Variants in SLC11A2 observed in about 807,000 individuals in gnomAD.
The protein encoded by SLC11A2 is solute carrier family 11 member 2, also known as natural resistance-associated macrophage protein 2.
Under a neutral mutation model 68.0 loss-of-function variants are expected in SLC11A2, and 38 were observed. That is an observed-to-expected ratio of 0.56 (90% confidence interval 0.43 to 0.73). The LOEUF (loss-of-function observed/expected upper bound fraction) is 0.73. Ranked by LOEUF, SLC11A2 falls within the 30% of genes least tolerant of loss-of-function variation. The pLI is 0.00. For missense variants in SLC11A2, 517 were observed against 690.5 expected (o/e 0.75, Z 2.82); for synonymous variants, 242 against 250.6 (o/e 0.97, Z 0.32).
At chr12:50,985,176 G>A (rs543536436), downstream of SLC11A2, among the ~76,000 whole-genome samples, 6 of 152,284 alleles carry the variant, frequency 3.9e-5, no homozygotes, top group East Asian at 1.2e-3. Context: ...GAAGCTGACA[G>A]ATTTAGATTC....
the SLC11A2 span, among the ~76,000 whole-genome samples, chr12:50,963,369 C>CAAAAAAAAA: frequency 5.4e-4 from 39 of 72,398 alleles, no homozygotes; most frequent in African/African-American, 8.1e-4. Context: ...GACTCCATCT[C>CAAAAAAAAA]AAAAAAAAAA....
In SLC11A2 at chr12:50,987,040, G is replaced by C; in HGVS notation, c.*1285C>G. The C allele has an allele frequency of 2.3e-6, 3 of 1,286,452 alleles. No individual in the cohort carries two copies. Among genetic ancestry groups the C allele is most frequent in the Non-Finnish European group, 3.0e-6 (3 of 988,382 alleles). The allele number at this position is 1,286,452 out of a possible 1,614,324, so 79.7% of individuals were successfully genotyped here. ...TATCTCCATCAAAGTGATTTGATTT[G>C]AGATAATCACACAATCTCAGGCTCG... On this transcript the variant is annotated 3_prime_UTR_variant, in exon 16 of 16. Coordinates refer to ENST00000262052, the MANE Select transcript of SLC11A2 (RefSeq NM_000617.3).
chr12:51,025,957 C>T (rs1944355229), intron 1 of SLC11A2: 2 of 1,002,330 alleles, frequency 2.0e-6, no homozygotes, highest in Non-Finnish European at 2.4e-6. Context: ...TCTTTCGAGG[C>T]GTCGAAGCAG....
intron 12 of SLC11A2, 73 bp downstream of exon 12, chr12:50,992,737 A>C: frequency 7.0e-7 from 1 of 1,434,106 alleles, no homozygotes; most frequent in Middle Eastern, 2.0e-4. Context: ...TCTCAAAAAA[A>C]AAAAAAAAAG....
intron 3 of SLC11A2, 117 bp from the exon 4 acceptor site, chr12:51,005,553 A>G: frequency 6.5e-7 from 1 of 1,543,782 alleles, no homozygotes; most frequent in African/African-American, 1.4e-5. Context: ...AAGGATTTAC[A>G]ATGTCAGATA....
At chr12:50,979,763 T>C (rs1184333770), downstream of SLC11A2, 1 of 436,980 alleles carries the variant, frequency 2.3e-6, no homozygotes, top group Non-Finnish European at 4.6e-6. Context: ...GGGCCGATTA[T>C]AAACGAACAT....
Position 51,005,340 on chromosome 12 carries a change from A to T in SLC11A2, c.280T>A (p.Leu94Met), listed in dbSNP as rs1942630055. ...YLDPGNIESD[L>M]QSGAVAGFKL... ...AATCCAGCCACTGCTCCAGACTGCA[A>T]ATCGGATTCAATATTTCCTGGATCC... The change falls in exon 4 of 16, where the codon TTG becomes ATG. Residue 94 changes from leucine to methionine, a missense_variant. Transcript: ENST00000262052. 1 of 1,613,920 alleles carries T rather than the reference A, an allele frequency of 6.2e-7. No homozygotes were observed. The highest frequency in any genetic ancestry group is 1.3e-5 in the African/African-American group (1 of 74,926).
chr12:50,991,054 T>C lies in SLC11A2; in HGVS notation c.1422-106A>G, dbSNP rs1176601262. 3.2e-5 allele frequency: 33 copies of C among 1,036,196 alleles called. 1 individual carries two copies. The highest frequency in any genetic ancestry group is 3.2e-5 in the African/African-American group (2 of 62,792). The allele number at this position is 1,036,196 out of a possible 1,614,324, so 64.2% of individuals were successfully genotyped here. On this transcript the variant is annotated intron_variant, in intron 14 of 15. Transcript: ENST00000262052. ...AGGCAGTTCAAAATGAATGGAAAAA[T>C]TGTTCTTAATTTGAAAAAAAATGAT...
intron 12 of SLC11A2, 100 bp from the exon 13 acceptor site, chr12:50,992,439 T>A: frequency 8.7e-7 from 1 of 1,150,774 alleles, no homozygotes; most frequent in Admixed American, 1.9e-5. Flanking sequence ...GATTAAGAAG[T>A]GACAAAAGGG....
the SLC11A2 span, among the ~76,000 whole-genome samples, chr12:50,955,975 T>C: frequency 6.6e-6 from 1 of 152,220 alleles, no homozygotes; most frequent in Non-Finnish European, 1.5e-5. Flanking sequence ...AGAGACACTA[T>C]ATGGAAAACA....
chr12:51,013,058 T>C (rs906876707), intron 1 of SLC11A2, among the ~76,000 whole-genome samples: 3 of 152,122 alleles, frequency 2.0e-5, no homozygotes, highest in African/African-American at 4.8e-5. Flanking sequence ...CCACAATAAA[T>C]TGGAAACCAC....
chr12:50,957,914 GAC>G, the SLC11A2 span, among the ~76,000 whole-genome samples: 3 of 147,382 alleles, frequency 2.0e-5, no homozygotes, highest in African/African-American at 5.1e-5. Flanking sequence ...AAAATGGAGA[GAC>G]TACTGTATTC....
At chr12:50,969,463 G>GC in the SLC11A2 span, among the ~76,000 whole-genome samples, 1 of 152,066 alleles carries the variant, frequency 6.6e-6, no homozygotes, top group Non-Finnish European at 1.5e-5. Flanking sequence ...ACTTTAGGAG[G>GC]CCAAGGCAGG....
At chr12:51,026,124 C>CCATCAG in intron 1 of SLC11A2, 186 bp downstream of exon 1, 1 of 1,104,030 alleles carries the variant, frequency 9.1e-7, no homozygotes, top group Non-Finnish European at 1.1e-6. Context: ...TGGCGCGACT[C>CCATCAG]CATCAGTCCT....
At chr12:51,016,315 G>A (rs915663291) in intron 1 of SLC11A2, among the ~76,000 whole-genome samples, 1 of 152,056 alleles carries the variant, frequency 6.6e-6, no homozygotes, top group Admixed American at 6.5e-5. Flanking sequence ...CGGAGGCTGA[G>A]GCAGGTAGAT....
chr12:51,027,237 G>A (rs997020783), upstream of SLC11A2, among the ~76,000 whole-genome samples: 2 of 151,954 alleles, frequency 1.3e-5, no homozygotes, highest in Non-Finnish European at 2.9e-5. Flanking sequence ...CTACTCGGGG[G>A]CTGAGGTGGG....
At chr12:51,017,733 A>T (rs1943759108) in intron 1 of SLC11A2, among the ~76,000 whole-genome samples, 1 of 152,158 alleles carries the variant, frequency 6.6e-6, no homozygotes, top group African/African-American at 2.4e-5. Context: ...CAGCTGTCTA[A>T]TTGGCAGGTA....
Position 51,015,407 on chromosome 12 carries a change from G to A in SLC11A2, c.-38-4641C>T, listed in dbSNP as rs534330819. Among the ~76,000 whole-genome samples, 11 of 151,234 alleles carry A rather than the reference G, an allele frequency of 7.3e-5. No individual in the cohort carries two copies. In the South Asian group the frequency reaches 2.3e-3, roughly 32 times the overall value. On this transcript the variant is annotated intron_variant, in intron 1 of 15. Transcript: ENST00000262052. ...GGAGAATCGCTTAAACCTGGGAGGT[G>A]GAGGTTGCAGTGAGCTGAGATTGCG...
chr12:51,011,586 G>A (rs1269168047), intron 1 of SLC11A2, among the ~76,000 whole-genome samples: 8 of 129,854 alleles, frequency 6.2e-5, no homozygotes, highest in South Asian at 2.5e-4. Flanking sequence ...TTTTTTAGAC[G>A]GAGTCTCACT....
Sources: gnomAD v4.1 joint callset for allele counts (sites outside exome capture counted in the v4.1 genomes callset) on GRCh38, gnomAD v4.1.1 for gene constraint, MANE v1.5 for transcripts, NCBI Gene and HGNC (gene_info 2026-07-23, HGNC 2026-07-21) for gene names.